The following LRRC1 variants were observed in gnomAD, a reference collection of about 807,000 sequenced individuals.
LRRC1 encodes leucine rich repeat containing 1, also known as leucine-rich repeat-containing protein 1.
Under a neutral mutation model 69.9 loss-of-function variants are expected in LRRC1, and 28 were observed. The observed-to-expected ratio is 0.40, with a 90% CI of 0.30 to 0.55. LRRC1 has a LOEUF of 0.55. LRRC1 is among the 20% of genes least tolerant of loss of function. The probability of loss-of-function intolerance (pLI) is 0.47; values close to 1 mark genes in which losing one functional copy is unlikely to be tolerated. For missense variants in LRRC1, 498 were observed against 609.0 expected (o/e 0.82, Z 1.92); for synonymous variants, 236 against 240.2 (o/e 0.98, Z 0.16).
intron 1 of LRRC1, among the ~76,000 whole-genome samples, chr6:53,825,567 A>T (rs547822718): frequency 6.6e-6 from 1 of 152,294 alleles, no homozygotes; most frequent in African/African-American, 2.4e-5. Context: ...AGAATCAGGG[A>T]AGGGGGCTGC....
At chr6:53,883,865 C>T in intron 4 of LRRC1, 2 of 714,904 alleles carry the variant, frequency 2.8e-6, no homozygotes, top group South Asian at 1.5e-5. Flanking sequence ...CACAGTCTGA[C>T]ATGTCTGTTT....
chr6:53,868,733 A>T (rs750123202), intron 2 of LRRC1, among the ~76,000 whole-genome samples: 1 of 152,192 alleles, frequency 6.6e-6, no homozygotes, highest in Non-Finnish European at 1.5e-5. Context: ...TCAAGCTGGC[A>T]TATGGTAATC....
intron 1 of LRRC1, among the ~76,000 whole-genome samples, chr6:53,833,462 G>A (rs1405725155): frequency 1.3e-5 from 2 of 152,066 alleles, no homozygotes; most frequent in Non-Finnish European, 1.5e-5. Flanking sequence ...GCAAATGAGA[G>A]GATAAAGGTA....
At chr6:53,853,031 C>T (rs1195867323) in intron 2 of LRRC1, among the ~76,000 whole-genome samples, 1 of 152,164 alleles carries the variant, frequency 6.6e-6, no homozygotes, top group Admixed American at 6.5e-5. Flanking sequence ...GCCTTGTTGC[C>T]ATGTCCTCAC....
intron 4 of LRRC1, 146 bp from the exon 5 acceptor site, chr6:53,896,352 G>GTGA (rs2127435509): frequency 1.5e-6 from 1 of 681,406 alleles, no homozygotes; most frequent in East Asian, 2.7e-5. Flanking sequence ...GTGGGGGGTG[G>GTGA]TGATGATAGG....
chr6:53,920,409 G>T (rs1768701129), intron 12 of LRRC1: 1 of 488,176 alleles, frequency 2.0e-6, no homozygotes. Flanking sequence ...CATTAAAAAA[G>T]AAGGGGCAAC....
intron 2 of LRRC1, among the ~76,000 whole-genome samples, chr6:53,843,115 G>C (rs1484119925): frequency 6.6e-6 from 1 of 152,132 alleles, no homozygotes; most frequent in Non-Finnish European, 1.5e-5. Context: ...TTCTTGTAAG[G>C]ACCCTGGTAC....
chr6:53,906,639 A>T (rs915796311), intron 10 of LRRC1, among the ~76,000 whole-genome samples: 6 of 152,248 alleles, frequency 3.9e-5, no homozygotes, highest in Non-Finnish European at 7.3e-5. Flanking sequence ...CTAGAGGGTT[A>T]TATCTAGTCC....
At chr6:53,872,750 C>CTTTTTT (rs1766932617) in intron 2 of LRRC1, among the ~76,000 whole-genome samples, 1 of 126,862 alleles carries the variant, frequency 7.9e-6, no homozygotes, top group South Asian at 2.5e-4. Flanking sequence ...ATTTTCTTTT[C>CTTTTTT]TCTTTTTTTT....
At chr6:53,909,111 C>T (rs1451021013) in intron 10 of LRRC1, among the ~76,000 whole-genome samples, 1 of 151,832 alleles carries the variant, frequency 6.6e-6, no homozygotes, top group Non-Finnish European at 1.5e-5. Context: ...ACATTTCTCA[C>T]ATTATACATG....
intron 9 of LRRC1, among the ~76,000 whole-genome samples, chr6:53,903,995 T>G (rs567602148): frequency 3.9e-5 from 6 of 152,334 alleles, no homozygotes; most frequent in African/African-American, 1.4e-4. Flanking sequence ...CCTGCCCCAG[T>G]GCTCTGGCTT....
At chr6:53,898,656 T>C (rs546850257) in intron 7 of LRRC1, among the ~76,000 whole-genome samples, 1 of 152,190 alleles carries the variant, frequency 6.6e-6, no homozygotes, top group Non-Finnish European at 1.5e-5. Flanking sequence ...TCTTCAATGA[T>C]GATGGAAAGA....
At chr6:53,863,876 AGTCC>A (rs1286342171) in intron 2 of LRRC1, among the ~76,000 whole-genome samples, 3 of 152,230 alleles carry the variant, frequency 2.0e-5, no homozygotes, top group East Asian at 3.8e-4. Flanking sequence ...ATTAAACAAC[AGTCC>A]TTTTAAGTAA....
chr6:53,897,243 A>G lies in LRRC1; in HGVS notation c.568-42A>G, dbSNP rs1427295141. 4 of 1,352,284 alleles carry G rather than the reference A, an allele frequency of 3.0e-6. No individual in the cohort carries two copies. The African/African-American group carries it at 5.8e-5, about 20-fold the overall frequency. 83.8% of individuals were successfully genotyped at this position (1,352,284 alleles called of 1,614,324 possible). On this transcript the variant is annotated intron_variant, in intron 6 of 13. Transcript: ENST00000370888. Reference sequence around the variant, plus strand: ...TTTCTTTCTTCAGGGAAGACTGAAAATTGAATCTTTGTTACCGTAACTTTT... The same window carrying G: ...TTTCTTTCTTCAGGGAAGACTGAAAGTTGAATCTTTGTTACCGTAACTTTT...
intron 1 of LRRC1, among the ~76,000 whole-genome samples, chr6:53,813,088 CAG>C (rs1764843871): frequency 2.0e-5 from 3 of 151,758 alleles, no homozygotes; most frequent in South Asian, 2.1e-4. Flanking sequence ...GGATGCTGTA[CAG>C]AGAGAGAGAA....
At chr6:53,830,960 A>G (rs1334955428) in intron 1 of LRRC1, among the ~76,000 whole-genome samples, 5 of 144,710 alleles carry the variant, frequency 3.5e-5, no homozygotes, top group African/African-American at 1.3e-4. Flanking sequence ...ATATATATAT[A>G]TAATATATAG....
intron 2 of LRRC1, among the ~76,000 whole-genome samples, chr6:53,860,351 A>G (rs1766453752): frequency 6.6e-6 from 1 of 152,242 alleles, no homozygotes; most frequent in Non-Finnish European, 1.5e-5. Context: ...TCAATGTGTA[A>G]GTTCTGATAT....
chr6:53,795,429 C>G lies in LRRC1; in HGVS notation c.159+14C>G, dbSNP rs926915753. ...GAGCTGCCCGAGGTAAGGGTCCGGC[C>G]TCACCTGAGCGCTCTGCCCGCTCGT... On this transcript the variant is annotated intron_variant, in intron 1 of 13. Coordinates refer to ENST00000370888, the MANE Select transcript of LRRC1 (RefSeq NM_018214.5). 52 of 1,604,414 alleles carry G rather than the reference C, an allele frequency of 3.2e-5. 1 individual carries two copies. Among genetic ancestry groups the G allele is most frequent in the Non-Finnish European group, 4.3e-5 (51 of 1,177,530 alleles).
chr6:53,860,425 CT>C (rs1314723720), intron 2 of LRRC1, among the ~76,000 whole-genome samples: 2 of 152,130 alleles, frequency 1.3e-5, no homozygotes, highest in Non-Finnish European at 2.9e-5. Context: ...AAGTTGACAA[CT>C]TATAATTTTT....
Sources: allele counts gnomAD v4.1 joint callset (sites outside exome capture counted in the v4.1 genomes callset), GRCh38; gene constraint gnomAD v4.1.1; transcripts MANE v1.5; gene names NCBI Gene and HGNC (gene_info 2026-07-23, HGNC 2026-07-21).